ZNF543: variants seen among roughly 807,000 people sequenced by gnomAD.
The protein encoded by ZNF543 is zinc finger protein 543.
Under a neutral mutation model 13.4 loss-of-function variants are expected in ZNF543, and 10 were observed. That is an observed-to-expected ratio of 0.75 (90% CI 0.46 to 1.26). The LOEUF (loss-of-function observed/expected upper bound fraction) is 1.26, where lower values mean the gene tolerates loss of function less well. Among genes scored for constraint, ZNF543 ranks in the 50% most tolerant of loss-of-function variants. ZNF543 has a pLI of 0.00. For missense variants in ZNF543, 768 were observed against 741.2 expected (o/e 1.04, Z -0.42); for synonymous variants, 272 against 264.7 (o/e 1.03, Z -0.27).
At chr19:57,323,943 C>T in intron 2 of ZNF543, 135 bp downstream of exon 2, 1 of 1,075,594 alleles carries the variant, frequency 9.3e-7, no homozygotes, top group Non-Finnish European at 1.3e-6. Context: ...CTGAGCGTAG[C>T]ACTTGGGAGA....
chr19:57,322,213 A>C (rs2088094101), intron 1 of ZNF543, among the ~76,000 whole-genome samples: 1 of 152,162 alleles, frequency 6.6e-6, no homozygotes, highest in South Asian at 2.1e-4. Flanking sequence ...GATTCTTCCT[A>C]TGAGAATGGG....
At position 57,328,396 on chromosome 19, in the gene ZNF543, G is replaced by A; in HGVS notation, c.934G>A (p.Val312Met). ...GAGCCACACTGGAGAAAAACCCTTT[G>A]TGTGCAAAGAGTGTGGCAAAGCCTT... Reference protein sequence around the residue: ...HRSHTGEKPFVCKECGKAFRD... With the variant: ...HRSHTGEKPFMCKECGKAFRD... Residue 312 changes from valine (V) to methionine (M), a missense_variant, in exon 4 of 4, where the codon GTG becomes ATG. By Grantham distance (21) the Val-to-Met change is conservative. Transcript: ENST00000321545. 1.2e-6 allele frequency: 2 copies of A among 1,613,728 alleles called. No homozygotes were observed. Among genetic ancestry groups the A allele is most frequent in the South Asian group, 1.1e-5 (1 of 91,054 alleles).
At chr19:57,323,087 CAG>C (rs2088099145) in intron 1 of ZNF543, among the ~76,000 whole-genome samples, 1 of 152,054 alleles carries the variant, frequency 6.6e-6, no homozygotes, top group Non-Finnish European at 1.5e-5. Context: ...TCTGATGTCT[CAG>C]AGCACTTACT....
In ZNF543 at chr19:57,328,594, G is replaced by A. The variant is rs781385501; in HGVS notation, c.1132G>A (p.Glu378Lys). 9 of 1,610,380 alleles carry A rather than the reference G, an allele frequency of 5.6e-6. No homozygotes were observed. The highest frequency in any genetic ancestry group is 3.4e-5 in the Admixed American group (2 of 59,616). The change falls in exon 4 of 4, where the codon GAG (glutamate) becomes AAG (lysine). Residue 378 changes from glutamate (E) to lysine (K), a missense_variant. By Grantham distance (56) the Glu-to-Lys change is moderately conservative. Coordinates refer to ENST00000321545, the MANE Select transcript of ZNF543 (RefSeq NM_213598.4). ...CAACGAGTGTGGAAAAGCTTTTTGC[G>A]AGAGTGCAGACCTCATTCAACACTA... ...ECNECGKAFC[E>K]SADLIQHYII...
At position 57,329,164 on chromosome 19, in the gene ZNF543, G is replaced by A. The variant is rs1376886016; in HGVS notation, c.1702G>A (p.Val568Met). ...GAGAAACCCTACCATTGTAACAGAT[G>A]TGGGAAGACCTTTTATGACTGCACA... ...TGRNPTIVTD[V>M]GRPFMTAQTS... is the part of the protein sequence containing the mutation. The change falls in exon 4 of 4, where the codon GTG becomes ATG. Residue 568 changes from valine (V) to methionine (M), a missense_variant. Val to Met is a conservative substitution (Grantham distance 21). This residue lies in a region of ZNF543 where 677 missense variants were observed against 631.4 expected (regional missense o/e 1.07). Transcript: ENST00000321545. 7.4e-6 allele frequency: 12 copies of A among 1,614,094 alleles called. No individual in the cohort carries two copies. The highest frequency in any genetic ancestry group is 1.0e-5 in the Non-Finnish European group (12 of 1,180,042).
In ZNF543 at chr19:57,328,479, T is replaced by C. The variant is rs370159682; in HGVS notation, c.1017T>C (p.Tyr339=). The part of the protein sequence containing the change: ...HYIIHTGEKP[Y]ECIECGKAFN... Reference sequence around the variant, plus strand: ...TCATCCACACGGGAGAGAAGCCCTATGAGTGCATTGAGTGTGGGAAGGCCT... The same window carrying C: ...TCATCCACACGGGAGAGAAGCCCTACGAGTGCATTGAGTGTGGGAAGGCCT... Residue 339 remains tyrosine (Y), a synonymous_variant, in exon 4 of 4, where the codon TAT becomes TAC. Transcript: ENST00000321545. 3 of 1,614,116 alleles carry C rather than the reference T, an allele frequency of 1.9e-6. No homozygotes were observed. Among genetic ancestry groups the C allele is most frequent in the Non-Finnish European group, 2.5e-6 (3 of 1,180,052 alleles).
chr19:57,326,313 C>T (rs758426762), intron 2 of ZNF543, among the ~76,000 whole-genome samples: 9 of 152,108 alleles, frequency 5.9e-5, no homozygotes, highest in Middle Eastern at 3.4e-3. Flanking sequence ...TACAGGTACC[C>T]GCCACCACAC....
chr19:57,326,665 C>T lies in ZNF543; in HGVS notation c.178C>T (p.Gln60Ter), dbSNP rs769624898. ...TTTGTTCAAACCAGAGCTGATCTAC[C>T]AGTTGGATCACAGACAGGAGCTATG... ...CPLFKPELIY[Q>*]LDHRQELWMA... Residue 60 changes from glutamine to a stop codon, truncating the protein, a stop_gained, in exon 3 of 4, where the codon CAG becomes TAG. Coordinates refer to ENST00000321545, the MANE Select transcript of ZNF543 (RefSeq NM_213598.4). LOFTEE classifies it high-confidence loss of function. The T allele has an allele frequency of 6.2e-7, 1 of 1,614,096 alleles. No individual in the cohort carries two copies. The highest frequency in any genetic ancestry group is 8.5e-7 in the Non-Finnish European group (1 of 1,179,992).
intron 1 of ZNF543, among the ~76,000 whole-genome samples, chr19:57,321,787 G>A (rs1282842464): frequency 1.3e-5 from 2 of 152,156 alleles, no homozygotes; most frequent in East Asian, 3.9e-4. Flanking sequence ...AGGGAGGCCT[G>A]GGGGTGACAC....
Position 57,320,583 on chromosome 19 carries a change from C to G in ZNF543, c.-271C>G. ...GCAGGGGAGGGTAATGAGGCTGTTA[C>G]GCGCCTTCTCCGCATCTTGGCGGGA... On this transcript the variant is annotated 5_prime_UTR_variant, in exon 1 of 4. Coordinates refer to ENST00000321545, the MANE Select transcript of ZNF543 (RefSeq NM_213598.4). 2 of 505,846 alleles carry G rather than the reference C, an allele frequency of 4.0e-6. No homozygotes were observed. The highest frequency in any genetic ancestry group is 7.1e-6 in the Non-Finnish European group (2 of 282,642). The allele number at this position is 505,846 out of a possible 1,614,324, so 31.3% of individuals were successfully genotyped here. A position where few individuals can be genotyped will look rare whatever the true frequency, so the allele number is the denominator to read the frequency against.
At chr19:57,324,735 T>A (rs1158451541) in intron 2 of ZNF543, among the ~76,000 whole-genome samples, 1 of 152,158 alleles carries the variant, frequency 6.6e-6, no homozygotes, top group East Asian at 1.9e-4. Context: ...TTAATGTGCA[T>A]CCTGTGAAGA....
intron 1 of ZNF543, among the ~76,000 whole-genome samples, chr19:57,322,218 A>C (rs2088094122): frequency 6.6e-6 from 1 of 152,194 alleles, no homozygotes; most frequent in African/African-American, 2.4e-5. Context: ...TTCCTATGAG[A>C]ATGGGCATCT....
At position 57,329,807 on chromosome 19, in the gene ZNF543, C is replaced by CGGCCAT. The variant is rs2088152522; in HGVS notation, c.*543_*548dup. ...GATTACAGGCGTGAGCCACCGCGCC[C>CGGCCAT]GGCCATCTCAGGGATATTTAAACAA... On this transcript the variant is annotated 3_prime_UTR_variant, in exon 4 of 4. Transcript: ENST00000321545. 6.6e-6 allele frequency: 1 copy of CGGCCAT among 152,506 alleles called. No individual in the cohort carries two copies. 9.4% of individuals were successfully genotyped at this position (152,506 alleles called of 1,614,324 possible).
chr19:57,320,922 C>T lies in ZNF543; in HGVS notation c.18+51C>T, dbSNP rs551724746. On this transcript the variant is annotated intron_variant, in intron 1 of 3. Transcript: ENST00000321545. ...CTGCTGCTCTGCTACTTCTGGAGGC[C>T]TCGTGGGCAGGCAGAAGCCAAGACA... The T allele has an allele frequency of 1.1e-5, 17 of 1,612,622 alleles. No individual in the cohort carries two copies. The East Asian group carries it at 3.6e-4, about 34-fold the overall frequency.
chr19:57,326,442 A>G lies in ZNF543; in HGVS notation c.146-191A>G, dbSNP rs943831750. On this transcript the variant is annotated intron_variant, in intron 2 of 3. Coordinates refer to ENST00000321545, the MANE Select transcript of ZNF543 (RefSeq NM_213598.4). ...TGGCCTCCCAAAGTGCTGGGATTAC[A>G]GGCATGACCCACTGTGCCCTGCCAG... Among the ~76,000 whole-genome samples, 39 of 152,190 alleles carry G rather than the reference A, an allele frequency of 2.6e-4. 1 individual carries two copies. The highest frequency in any genetic ancestry group is 2.9e-4 in the Non-Finnish European group (20 of 68,034).
At position 57,328,074 on chromosome 19, in the gene ZNF543, C is replaced by T. The variant is rs377712144; in HGVS notation, c.612C>T (p.Cys204=). The T allele has an allele frequency of 1.9e-6, 3 of 1,614,156 alleles. No individual in the cohort carries two copies. Among genetic ancestry groups the T allele is most frequent in the East Asian group, 2.2e-5 (1 of 44,890 alleles). Residue 204 remains cysteine, a synonymous_variant, in exon 4 of 4, where the codon TGC becomes TGT. Coordinates refer to ENST00000321545, the MANE Select transcript of ZNF543 (RefSeq NM_213598.4). ...AAAATTCCTATAAATGTGAGGAATG[C>T]GGGAAAGTGTTTAAAAAGAATGCCC... ...EEKNSYKCEE[C]GKVFKKNALL...
rs756366738 is a variant in ZNF543 at position 57,328,799 on chromosome 19, CAGG to C, written c.1340_1342del (p.Gly447del). On this transcript the variant is annotated inframe_deletion, in exon 4 of 4. Coordinates refer to ENST00000321545, the MANE Select transcript of ZNF543 (RefSeq NM_213598.4). Reference sequence around the variant, plus strand: ...TTTGTCTTGCATAAAAGGACCCACACAGGAGAAAAACCCTATGAATGCAAAGAA... The same window carrying C: ...TTTGTCTTGCATAAAAGGACCCACACAGAAAAACCCTATGAATGCAAAGAA... 1 of 1,614,148 alleles carries C rather than the reference CAGG, an allele frequency of 6.2e-7. No homozygotes were observed. Among genetic ancestry groups the C allele is most frequent in the South Asian group, 1.1e-5 (1 of 91,084 alleles).
At position 57,323,705 on chromosome 19, in the gene ZNF543, G is replaced by T. The variant is rs947722536; in HGVS notation, c.42G>T (p.Val14=). ...SAQVSVTFED[V]AVTFTQEEWG... ...AGGTGTCTGTGACCTTTGAGGATGTGGCTGTGACATTCACCCAGGAGGAGT... is the reference window on the plus strand; with the variant it reads ...AGGTGTCTGTGACCTTTGAGGATGTTGCTGTGACATTCACCCAGGAGGAGT... The change falls in exon 2 of 4, where the codon GTG becomes GTT. Residue 14 remains valine (V), a synonymous_variant. Coordinates refer to ENST00000321545, the MANE Select transcript of ZNF543 (RefSeq NM_213598.4). The T allele has an allele frequency of 1.2e-6, 2 of 1,613,454 alleles. No individual in the cohort carries two copies. Among genetic ancestry groups the T allele is most frequent in the Non-Finnish European group, 1.7e-6 (2 of 1,179,646 alleles).
At position 57,328,025 on chromosome 19, in the gene ZNF543, C is replaced by T. The variant is rs1315042711; in HGVS notation, c.563C>T (p.Thr188Ile). Residue 188 changes from threonine to isoleucine, a missense_variant, in exon 4 of 4, where the codon ACA becomes ATA. Thr to Ile is a moderately conservative substitution (Grantham distance 89). This residue lies in a region of ZNF543 where 677 missense variants were observed against 631.4 expected (regional missense o/e 1.07). Transcript: ENST00000321545. Reference sequence around the variant, plus strand: ...GAATGTGATTCACATGGACCAGTTACAGATGCCTTGATTCGCGAAGAGAAA... The same window carrying T: ...GAATGTGATTCACATGGACCAGTTATAGATGCCTTGATTCGCGAAGAGAAA... The part of the protein sequence containing the change: ...LYECDSHGPV[T>I]DALIREEKNS... 6.2e-7 allele frequency: 1 copy of T among 1,614,218 alleles called. No individual in the cohort carries two copies. Among genetic ancestry groups the T allele is most frequent in the East Asian group, 2.2e-5 (1 of 44,888 alleles).
Sources: allele counts gnomAD v4.1 joint callset (sites outside exome capture counted in the v4.1 genomes callset), GRCh38; gene constraint gnomAD v4.1.1; regional missense constraint gnomAD v4.1.1; transcripts MANE v1.5; gene names NCBI Gene and HGNC (gene_info 2026-07-23, HGNC 2026-07-21).